PACRG: variants seen among roughly 807,000 people sequenced by gnomAD.
PACRG encodes parkin coregulated.
Under a neutral mutation model 29.7 loss-of-function variants are expected in PACRG, and 29 were observed. That is an observed-to-expected ratio of 0.98 (90% CI 0.73 to 1.33). The LOEUF is 1.33. PACRG is among the 40% of genes most tolerant of loss of function. The pLI, the probability that PACRG is intolerant of heterozygous loss-of-function variation, is 0.00. For missense variants in PACRG, 279 were observed against 316.2 expected, an observed-to-expected ratio of 0.88 and a Z score of 0.89; for synonymous variants, 116 against 118.7, an observed-to-expected ratio of 0.98 and a Z score of 0.15.
At chr6:163,160,069 A>C (rs1279661359) in intron 4 of PACRG, among the ~76,000 whole-genome samples, 1 of 152,200 alleles carries the variant, frequency 6.6e-6, no homozygotes, top group Non-Finnish European at 1.5e-5. Flanking sequence ...GTTGGGAATC[A>C]CTATGAGGTA....
chr6:162,836,278 C>T (rs142639752), intron 2 of PACRG, among the ~76,000 whole-genome samples: 8 of 151,942 alleles, frequency 5.3e-5, no homozygotes, highest in Middle Eastern at 3.4e-3. Context: ...CTTTCTTTTT[C>T]GCAATTGGGT....
At chr6:163,038,002 G>T (rs915828088) in intron 2 of PACRG, among the ~76,000 whole-genome samples, 2 of 152,206 alleles carry the variant, frequency 1.3e-5, no homozygotes, top group East Asian at 3.8e-4. Context: ...CAATAATAAT[G>T]ATTAGCAAGT....
At chr6:163,160,996 G>A (rs1389658129) in intron 4 of PACRG, among the ~76,000 whole-genome samples, 1 of 152,104 alleles carries the variant, frequency 6.6e-6, no homozygotes, top group Non-Finnish European at 1.5e-5. Context: ...GCTACTGCAC[G>A]CCCAAGGTGA....
At chr6:162,905,395 T>G (rs1795858508) in intron 2 of PACRG, among the ~76,000 whole-genome samples, 1 of 152,174 alleles carries the variant, frequency 6.6e-6, no homozygotes, top group Admixed American at 6.5e-5. Flanking sequence ...TAAAATAAGC[T>G]TACCAATTTT....
intron 2 of PACRG, among the ~76,000 whole-genome samples, chr6:163,056,029 G>T (rs1332369815): frequency 6.6e-6 from 1 of 152,204 alleles, no homozygotes; most frequent in Non-Finnish European, 1.5e-5. Flanking sequence ...CATCCTACTT[G>T]TTAGGAAAAT....
Position 163,254,703 on chromosome 6 carries a change from C to T in PACRG, c.614-60124C>T, listed in dbSNP as rs146805299. The stretch of plus-strand genomic sequence containing the variant: ...CATGAGGCTGTCCTGGACCCCTGCC[C>T]GTGCAGCAGGGCAGAACCATTGCCA... On this transcript the variant is annotated intron_variant, in intron 4 of 4. Transcript: ENST00000366888. Among the ~76,000 whole-genome samples the T allele has an allele frequency of 4.9e-3, 739 of 152,314 alleles. 5 individuals are homozygous for T. Among genetic ancestry groups the T allele is most frequent in the Non-Finnish European group, 8.3e-3 (566 of 68,032 alleles).
At chr6:163,185,508 T>C (rs1779876394) in intron 4 of PACRG, among the ~76,000 whole-genome samples, 1 of 152,194 alleles carries the variant, frequency 6.6e-6, no homozygotes, top group Non-Finnish European at 1.5e-5. Flanking sequence ...ACTGCAAATA[T>C]ATAAGCCATT....
At position 163,171,605 on chromosome 6, in the gene PACRG, G is replaced by A. The variant is rs186359994; in HGVS notation, c.613+82197G>A. On this transcript the variant is annotated intron_variant, in intron 4 of 4. Coordinates refer to ENST00000366888, the MANE Select transcript of PACRG (RefSeq NM_001080379.2). ...TTATAGCTCTTCTCAAGTGCAAAAA[G>A]TTCAAAATTAATCTAGAGATAAAAT... is the stretch of plus-strand genomic sequence containing the variant. Among the ~76,000 whole-genome samples the A allele has an allele frequency of 3.9e-5, 6 of 152,274 alleles. No individual in the cohort carries two copies. In the East Asian group the frequency reaches 1.2e-3, roughly 29 times the overall value.
intron 2 of PACRG, among the ~76,000 whole-genome samples, chr6:162,884,395 G>A (rs1794158773): frequency 6.6e-6 from 1 of 152,108 alleles, no homozygotes; most frequent in South Asian, 2.1e-4. Context: ...TGTTGTTCAA[G>A]GGTCCACTGT....
intron 1 of PACRG, among the ~76,000 whole-genome samples, chr6:162,757,794 G>A (rs1256375491): frequency 1.3e-5 from 2 of 152,010 alleles, no homozygotes; most frequent in African/African-American, 2.4e-5. Flanking sequence ...CTTGACTAAT[G>A]CATAAAATAC....
At chr6:162,730,996 A>G (rs1196125258) in intron 1 of PACRG, among the ~76,000 whole-genome samples, 1 of 152,164 alleles carries the variant, frequency 6.6e-6, no homozygotes, top group Non-Finnish European at 1.5e-5. Context: ...ATCACGAAGC[A>G]AGTTAGAAAA....
chr6:163,275,375 C>CT (rs1410267691), intron 4 of PACRG, among the ~76,000 whole-genome samples: 2 of 152,110 alleles, frequency 1.3e-5, no homozygotes, highest in Non-Finnish European at 2.9e-5. Context: ...TTGTTTTCAT[C>CT]TTAGCTCTTC....
chr6:163,235,832 T>C (rs1270094927), intron 4 of PACRG, among the ~76,000 whole-genome samples: 4 of 152,244 alleles, frequency 2.6e-5, no homozygotes, highest in Non-Finnish European at 5.9e-5. Context: ...GGTGAGTCAA[T>C]TTATAGTGTG....
At chr6:163,142,060 A>G (rs1320920557) in intron 4 of PACRG, among the ~76,000 whole-genome samples, 6 of 152,140 alleles carry the variant, frequency 3.9e-5, no homozygotes, top group African/African-American at 1.4e-4. Flanking sequence ...TCTAGCAACT[A>G]AAAAAGGTAC....
intron 4 of PACRG, among the ~76,000 whole-genome samples, chr6:163,181,025 C>T (rs1779629882): frequency 6.6e-6 from 1 of 152,186 alleles, no homozygotes; most frequent in South Asian, 2.1e-4. Context: ...CAACCTCAGC[C>T]TGAGTGTCTC....
At chr6:163,060,742 A>C (rs1811029674) in intron 2 of PACRG, 1 of 152,062 alleles carries the variant, frequency 6.6e-6, no homozygotes, top group Admixed American at 6.6e-5. Context: ...GATTCACCCC[A>C]ACCCACAGTA....
intron 2 of PACRG, among the ~76,000 whole-genome samples, chr6:162,958,265 T>A (rs73607817): frequency 6.6e-6 from 1 of 152,008 alleles, no homozygotes; most frequent in Non-Finnish European, 1.5e-5. Flanking sequence ...TTATGAAAAA[T>A]AATGAATTTC....
At chr6:162,780,994 A>G (rs568802018) in intron 1 of PACRG, among the ~76,000 whole-genome samples, 29 of 152,224 alleles carry the variant, frequency 1.9e-4, no homozygotes, top group African/African-American at 6.0e-4. Context: ...TGACCAAAAA[A>G]TGTCCAAAGT....
intron 4 of PACRG, among the ~76,000 whole-genome samples, chr6:163,128,038 T>C (rs1816587067): frequency 6.6e-6 from 1 of 152,202 alleles, no homozygotes; most frequent in Non-Finnish European, 1.5e-5. Flanking sequence ...AAATTTCCAA[T>C]TTCCAGAAGA....
Sources: gnomAD v4.1 joint callset for allele counts (sites outside exome capture counted in the v4.1 genomes callset) on GRCh38, gnomAD v4.1.1 for gene constraint, MANE v1.5 for transcripts, NCBI Gene and HGNC (gene_info 2026-07-23, HGNC 2026-07-21) for gene names.